The following ITPR1 variants were observed in gnomAD, a reference collection of about 807,000 sequenced individuals.
The protein encoded by ITPR1 is inositol 1,4,5-trisphosphate-gated calcium channel ITPR1.
A neutral mutation model predicts 318.4 loss-of-function variants in ITPR1; 96 were observed. The ratio of observed to expected loss-of-function variants is 0.30; its 90% confidence interval spans 0.26 to 0.36. ITPR1 has a LOEUF of 0.36. Ranked by LOEUF, ITPR1 falls within the 10% of genes least tolerant of loss-of-function variation. ITPR1 has a pLI of 1.00. For missense variants in ITPR1, 2,440 were observed against 3,460.2 expected (o/e 0.71, Z 7.40); for synonymous variants, 1,312 against 1,289.9 (o/e 1.02, Z -0.37).
At chr3:4,527,830 GA>G (rs1227342121) in intron 4 of ITPR1, among the ~76,000 whole-genome samples, 1 of 152,156 alleles carries the variant, frequency 6.6e-6, no homozygotes, top group Non-Finnish European at 1.5e-5. Flanking sequence ...CCCAGTCCCA[GA>G]GTGCTGGCAC....
At chr3:4,514,823 C>T (rs2082070870) in intron 2 of ITPR1, among the ~76,000 whole-genome samples, 1 of 152,066 alleles carries the variant, frequency 6.6e-6, no homozygotes, top group African/African-American at 2.4e-5. Flanking sequence ...AATATTAATC[C>T]CCCTTGATGT....
At chr3:4,688,748 G>C in intron 31 of ITPR1, 128 bp downstream of exon 31, 1 of 876,818 alleles carries the variant, frequency 1.1e-6, no homozygotes, top group Non-Finnish European at 1.7e-6. Flanking sequence ...TTCCAAAGGG[G>C]AACATTTTCA....
rs778872442 is a variant in ITPR1, at chr3:4,685,191, G to A, written c.3687G>A (p.Gln1229=). The change falls in exon 30 of 62, where the codon CAG becomes CAA. Residue 1229 remains glutamine, a synonymous_variant. Transcript: ENST00000649015. ...GAHAVVLELL[Q]IPYEKAEDTK... ...ACGCCGTGGTGCTGGAGCTGCTGCAGATTCCCTATGAGAAGGTGAGCGGTG... is the reference window on the plus strand; with the variant it reads ...ACGCCGTGGTGCTGGAGCTGCTGCAAATTCCCTATGAGAAGGTGAGCGGTG... 3.7e-6 allele frequency: 6 copies of A among 1,603,368 alleles called. No homozygotes were observed. Among genetic ancestry groups the A allele is most frequent in the Non-Finnish European group, 8.5e-7 (1 of 1,178,232 alleles).
intron 37 of ITPR1, among the ~76,000 whole-genome samples, chr3:4,708,598 C>T (rs1239185252): frequency 1.3e-5 from 2 of 152,216 alleles, no homozygotes; most frequent in African/African-American, 4.8e-5. Context: ...ATTTTCTCGC[C>T]TGCTCAAATG....
In ITPR1 at chr3:4,579,685, G is replaced by A. The variant is rs575479144; in HGVS notation, c.164-48078G>A. 2.0e-5 allele frequency among the ~76,000 whole-genome samples: 3 copies of A among 152,268 alleles called. No homozygotes were observed. The East Asian group carries it at 5.8e-4, about 29-fold the overall frequency. ...AAGTTCATTTTAGAAAGTATATTGA[G>A]TCAGGGTTTTTGTTTATTTTAATGA... On this transcript the variant is annotated intron_variant, in intron 4 of 61. Coordinates refer to ENST00000649015, the MANE Select transcript of ITPR1 (RefSeq NM_001378452.1).
At chr3:4,767,071 C>T (rs111780038) in intron 45 of ITPR1, among the ~76,000 whole-genome samples, 54 of 152,266 alleles carry the variant, frequency 3.5e-4, no homozygotes, top group African/African-American at 1.1e-3. Flanking sequence ...TTTTGTTTTC[C>T]GAGGTATTGG....
At chr3:4,835,713 T>G (rs890063929) in intron 60 of ITPR1, among the ~76,000 whole-genome samples, 1 of 152,218 alleles carries the variant, frequency 6.6e-6, no homozygotes, top group Non-Finnish European at 1.5e-5. Flanking sequence ...AAGCTTTTCT[T>G]ACTGTTCATT....
At chr3:4,693,344 T>C in intron 32 of ITPR1, 146 bp from the exon 33 acceptor site, 1 of 855,044 alleles carries the variant, frequency 1.2e-6, no homozygotes, top group Non-Finnish European at 1.9e-6. Context: ...TGTTCAGTTA[T>C]ATAAATGAAT....
intron 5 of ITPR1, among the ~76,000 whole-genome samples, chr3:4,635,905 G>A (rs893876509): frequency 6.7e-6 from 1 of 149,748 alleles, no homozygotes; most frequent in Non-Finnish European, 1.5e-5. Flanking sequence ...TTTTTTTTGA[G>A]GCTGGAATGC....
chr3:4,555,890 G>T (rs1468309511), intron 4 of ITPR1, among the ~76,000 whole-genome samples: 1 of 152,118 alleles, frequency 6.6e-6, no homozygotes, highest in Non-Finnish European at 1.5e-5. Context: ...ACTGAGGCAG[G>T]AAGAAATTAA....
At chr3:4,734,616 T>A (rs769492811) in intron 43 of ITPR1, among the ~76,000 whole-genome samples, 1 of 152,246 alleles carries the variant, frequency 6.6e-6, no homozygotes, top group Non-Finnish European at 1.5e-5. Flanking sequence ...TCCTCTCTTC[T>A]TAAGTATATT....
At chr3:4,554,736 C>G (rs1008012520) in intron 4 of ITPR1, among the ~76,000 whole-genome samples, 7 of 152,128 alleles carry the variant, frequency 4.6e-5, no homozygotes, top group Non-Finnish European at 8.8e-5. Context: ...TCTCACTGGT[C>G]ATTGGGTGGA....
chr3:4,601,177 T>TTTTA (rs1200980442), intron 4 of ITPR1, among the ~76,000 whole-genome samples: 13 of 144,758 alleles, frequency 9.0e-5, no homozygotes, highest in African/African-American at 3.4e-4. Context: ...AAAATATTCT[T>TTTTA]TTTTTTTTTT....
At chr3:4,598,872 G>A (rs569496632) in intron 4 of ITPR1, among the ~76,000 whole-genome samples, 23 of 152,134 alleles carry the variant, frequency 1.5e-4, no homozygotes, top group Admixed American at 6.5e-5. Flanking sequence ...TGAGAACATC[G>A]TCAAACCCAC....
intron 5 of ITPR1, among the ~76,000 whole-genome samples, chr3:4,637,667 G>T (rs1247026072): frequency 2.0e-5 from 3 of 152,114 alleles, no homozygotes; most frequent in Non-Finnish European, 1.5e-5. Context: ...ATACAGATGG[G>T]GTCAACTTGC....
chr3:4,548,420 C>T (rs114000487), intron 4 of ITPR1, among the ~76,000 whole-genome samples: 2,259 of 152,300 alleles, frequency 0.015, 53 homozygotes, highest in African/African-American at 0.051. Flanking sequence ...AGTAAATACT[C>T]ATTCCTTTAT....
intron 61 of ITPR1, among the ~76,000 whole-genome samples, chr3:4,841,928 T>C (rs1184053834): frequency 6.6e-6 from 1 of 152,228 alleles, no homozygotes; most frequent in Non-Finnish European, 1.5e-5. Flanking sequence ...ACATGACTGA[T>C]TTTATAGGGC....
chr3:4,674,148 C>G, intron 21 of ITPR1, 54 bp from the exon 22 acceptor site: 1 of 1,436,722 alleles, frequency 7.0e-7, no homozygotes, highest in Non-Finnish European at 9.5e-7. Context: ...CCCAGGAAGA[C>G]CTCTCTGGGA....
intron 44 of ITPR1, among the ~76,000 whole-genome samples, chr3:4,752,557 G>C (rs1322231029): frequency 6.6e-6 from 1 of 152,230 alleles, no homozygotes; most frequent in Non-Finnish European, 1.5e-5. Context: ...TTCACATGCA[G>C]GCTTCTTCTG....
Sources: allele counts gnomAD v4.1 joint callset (sites outside exome capture counted in the v4.1 genomes callset), GRCh38; gene constraint gnomAD v4.1.1; transcripts MANE v1.5; gene names NCBI Gene and HGNC (gene_info 2026-07-23, HGNC 2026-07-21).